The following ZSWIM6 variants were observed in gnomAD, a reference collection of about 807,000 sequenced individuals.
ZSWIM6 encodes zinc finger SWIM-type containing 6, also known as zinc finger SWIM domain-containing protein 6.
A neutral mutation model predicts 113.2 loss-of-function variants in ZSWIM6; 9 were observed. The ratio of observed to expected loss-of-function variants is 0.08; its 90% CI spans 0.05 to 0.14. The LOEUF (loss-of-function observed/expected upper bound fraction) is 0.14, where lower values mean the gene tolerates loss of function less well. Ranked by LOEUF, ZSWIM6 falls within the 10% of genes least tolerant of loss-of-function variation. The pLI, the probability that ZSWIM6 is intolerant of heterozygous loss-of-function variation, is 1.00. For synonymous variants in ZSWIM6, 611 were observed against 606.5 expected, an observed-to-expected ratio of 1.01 and a Z score of -0.11; for missense variants, 1,162 against 1,552.2, an observed-to-expected ratio of 0.75 and a Z score of 4.22.
intron 1 of ZSWIM6, among the ~76,000 whole-genome samples, chr5:61,447,165 C>T (rs909383214): frequency 6.6e-6 from 1 of 152,096 alleles, no homozygotes; most frequent in Non-Finnish European, 1.5e-5. Context: ...GAACTCCATC[C>T]TGCTTTCCTG....
intron 4 of ZSWIM6, among the ~76,000 whole-genome samples, chr5:61,517,935 T>TCCC (rs1561274812): frequency 1.3e-5 from 1 of 76,598 alleles, no homozygotes; most frequent in African/African-American, 5.4e-5. Flanking sequence ...CCAAATGCTA[T>TCCC]CCCTCCCCCC....
intron 1 of ZSWIM6, among the ~76,000 whole-genome samples, chr5:61,399,113 C>T (rs1027080654): frequency 2.7e-5 from 4 of 150,740 alleles, no homozygotes; most frequent in South Asian, 2.1e-4. Flanking sequence ...TTAGTAGAGA[C>T]GGGGTTTCTC....
At chr5:61,529,999 TC>T in intron 7 of ZSWIM6, 52 bp from the exon 8 acceptor site, 1 of 1,451,258 alleles carries the variant, frequency 6.9e-7, no homozygotes, top group Non-Finnish European at 9.3e-7. Context: ...CCCACTTCTT[TC>T]CCTTCATCTC....
chr5:61,352,539 C>T (rs370643096), intron 1 of ZSWIM6, among the ~76,000 whole-genome samples: 1 of 152,214 alleles, frequency 6.6e-6, no homozygotes, highest in East Asian at 1.9e-4. Context: ...GCTTCACACC[C>T]ATCACACAAA....
intron 1 of ZSWIM6, among the ~76,000 whole-genome samples, chr5:61,470,331 A>G (rs1475353293): frequency 6.6e-6 from 1 of 152,194 alleles, no homozygotes; most frequent in African/African-American, 2.4e-5. Context: ...ACAGGTGGAA[A>G]ACAGAGTTTG....
chr5:61,443,848 A>G (rs954986275), intron 1 of ZSWIM6, among the ~76,000 whole-genome samples: 2 of 152,144 alleles, frequency 1.3e-5, no homozygotes, highest in Non-Finnish European at 2.9e-5. Context: ...GAGAAAACCA[A>G]TTTTACCTTT....
intron 1 of ZSWIM6, among the ~76,000 whole-genome samples, chr5:61,377,364 GT>G (rs576804429): frequency 5.4e-5 from 8 of 149,204 alleles, no homozygotes; most frequent in East Asian, 1.9e-4. Flanking sequence ...TAGAATGAAA[GT>G]TTTTTTTTTC....
In ZSWIM6 at chr5:61,544,509, C is replaced by G. The variant is rs1191622574; in HGVS notation, c.*192C>G. 4 of 315,154 alleles carry G rather than the reference C, an allele frequency of 1.3e-5. No homozygotes were observed. Among genetic ancestry groups the G allele is most frequent in the Non-Finnish European group, 2.3e-5 (4 of 175,412 alleles). 19.5% of individuals were successfully genotyped at this position (315,154 alleles called of 1,614,324 possible). Reference sequence around the variant, plus strand: ...TGTGTTTTTTATTTTTTCCCTATTTCTTTCTTTCCTTTATTTTATTATTTT... The same window carrying G: ...TGTGTTTTTTATTTTTTCCCTATTTGTTTCTTTCCTTTATTTTATTATTTT... On this transcript the variant is annotated 3_prime_UTR_variant, in exon 14 of 14. Transcript: ENST00000252744.
chr5:61,473,346 G>A (rs181826560), intron 2 of ZSWIM6, among the ~76,000 whole-genome samples: 1 of 152,072 alleles, frequency 6.6e-6, no homozygotes, highest in East Asian at 1.9e-4. Context: ...ATTCACCCTT[G>A]TCAATACACT....
At position 61,543,480 on chromosome 5, in the gene ZSWIM6, G is replaced by T; in HGVS notation, c.2811G>T (p.Met937Ile). ...EVGVYALDSI[M>I]QTWFTLFTPT... ...GGGTTTATGCCCTGGACAGCATCAT[G>T]CAGACCTGGTTTACACTCTTTACTC... Residue 937 changes from methionine (M) to isoleucine (I), a missense_variant, in exon 14 of 14, where the codon ATG becomes ATT. Physicochemically the swap from Met to Ile is conservative, Grantham distance 10. Around this residue, in one of 4 missense-constraint regions of ZSWIM6, gnomAD observed 620 missense variants for 804.6 expected, o/e 0.77. Transcript: ENST00000252744. The surrounding 1 kb of genome is among the most constrained non-coding windows in gnomAD (Gnocchi z 4.3). 6.4e-7 allele frequency: 1 copy of T among 1,551,036 alleles called. No individual in the cohort carries two copies. The highest frequency in any genetic ancestry group is 8.7e-7 in the Non-Finnish European group (1 of 1,146,944).
At chr5:61,390,147 C>T (rs963687281) in intron 1 of ZSWIM6, among the ~76,000 whole-genome samples, 1 of 152,196 alleles carries the variant, frequency 6.6e-6, no homozygotes, top group Admixed American at 6.5e-5. Flanking sequence ...ATCACACCTT[C>T]GCAAAAGTAT....
intron 7 of ZSWIM6, among the ~76,000 whole-genome samples, chr5:61,527,407 A>C (rs1478572664): frequency 2.0e-5 from 3 of 152,210 alleles, no homozygotes; most frequent in Non-Finnish European, 4.4e-5. Flanking sequence ...CTAGAGTATA[A>C]CTAAAAATTA....
intron 1 of ZSWIM6, among the ~76,000 whole-genome samples, chr5:61,455,145 T>A: frequency 6.6e-6 from 1 of 152,170 alleles, no homozygotes. Flanking sequence ...GAGAGAAAAG[T>A]AATTTATAAA....
intron 1 of ZSWIM6, among the ~76,000 whole-genome samples, chr5:61,459,541 CTT>C (rs1747281004): frequency 6.6e-6 from 1 of 152,166 alleles, no homozygotes; most frequent in African/African-American, 2.4e-5. Context: ...AGTCACAACT[CTT>C]TCATATATGC....
intron 1 of ZSWIM6, among the ~76,000 whole-genome samples, chr5:61,430,007 G>A (rs1442590968): frequency 6.6e-6 from 1 of 152,230 alleles, no homozygotes; most frequent in African/African-American, 2.4e-5. Context: ...CAGTGTTGCA[G>A]AAGCGAAGTC....
intron 1 of ZSWIM6, among the ~76,000 whole-genome samples, chr5:61,421,665 G>A (rs1746357436): frequency 1.3e-5 from 2 of 152,090 alleles, no homozygotes; most frequent in Admixed American, 1.3e-4. Flanking sequence ...ATTGTCTGTT[G>A]TTCCCTTCTT....
chr5:61,409,335 A>G (rs914881594), intron 1 of ZSWIM6, among the ~76,000 whole-genome samples: 1 of 152,050 alleles, frequency 6.6e-6, no homozygotes, highest in African/African-American at 2.4e-5. Flanking sequence ...GTCCATTTTC[A>G]TTTCAGAATT....
chr5:61,339,516 CTTTAT>C (rs76970636), intron 1 of ZSWIM6, among the ~76,000 whole-genome samples: 6,272 of 152,104 alleles, frequency 0.041, 230 homozygotes, highest in South Asian at 0.18. Flanking sequence ...AATTTGGTAC[CTTTAT>C]TTTAAGAAGC....
intron 1 of ZSWIM6, among the ~76,000 whole-genome samples, chr5:61,339,816 G>A (rs1417436179): frequency 6.6e-6 from 1 of 152,100 alleles, no homozygotes; most frequent in Non-Finnish European, 1.5e-5. Context: ...CAACAAAAAG[G>A]CTAATTTAGT....
Sources: allele counts gnomAD v4.1 joint callset (sites outside exome capture counted in the v4.1 genomes callset), GRCh38; gene constraint gnomAD v4.1.1; regional missense constraint gnomAD v4.1.1; non-coding constraint Gnocchi (gnomAD v3.1); transcripts MANE v1.5; gene names NCBI Gene and HGNC (gene_info 2026-07-23, HGNC 2026-07-21).